MTHFD2L: variants seen among roughly 807,000 people sequenced by gnomAD.
The protein encoded by MTHFD2L is methylenetetrahydrofolate dehydrogenase (NADP+ dependent) 2 like.
MTHFD2L carries 29 observed loss-of-function variants against 34.9 expected under a neutral mutation model. The ratio of observed to expected loss-of-function variants is 0.83; its 90% CI spans 0.62 to 1.13. The LOEUF (loss-of-function observed/expected upper bound fraction) is 1.13. Ranked by LOEUF, MTHFD2L falls within the 50% of genes most tolerant of loss-of-function variation. The probability of loss-of-function intolerance (pLI) is 0.00; values close to 1 mark genes in which losing one functional copy is unlikely to be tolerated. For missense variants in MTHFD2L, 481 were observed against 446.5 expected, an observed-to-expected ratio of 1.08 and a Z score of -0.70; for synonymous variants, 167 against 155.7, an observed-to-expected ratio of 1.07 and a Z score of -0.54.
chr4:74,294,686 C>A (rs1467935013), intron 7 of MTHFD2L, among the ~76,000 whole-genome samples: 3 of 152,046 alleles, frequency 2.0e-5, no homozygotes, highest in Non-Finnish European at 4.4e-5. Flanking sequence ...TCTATCATCA[C>A]CTCAAATTTT....
At chr4:74,128,653 CTTCCAGCT>C (rs1390474941) in intron 1 of MTHFD2L, among the ~76,000 whole-genome samples, 1 of 152,068 alleles carries the variant, frequency 6.6e-6, no homozygotes, top group African/African-American at 2.4e-5. Context: ...TAGTGTGATG[CTTCCAGCT>C]TTGTGTTTTT....
intron 1 of MTHFD2L, among the ~76,000 whole-genome samples, chr4:74,137,381 T>C (rs986040681): frequency 6.6e-6 from 1 of 152,136 alleles, no homozygotes; most frequent in Non-Finnish European, 1.5e-5. Context: ...AACAGTACTA[T>C]ATATCAGAGA....
intron 6 of MTHFD2L, chr4:74,267,279 C>A (rs781025841): frequency 1.1e-6 from 1 of 940,548 alleles, no homozygotes; most frequent in Non-Finnish European, 1.2e-6. Context: ...TTTCTTTTTT[C>A]TATTCTATTC....
upstream of MTHFD2L, among the ~76,000 whole-genome samples, chr4:74,121,002 G>A (rs142389981): frequency 1.8e-3 from 278 of 152,308 alleles, 1 homozygote; most frequent in African/African-American, 6.5e-3. Context: ...TGCATTCAAA[G>A]CCAAAGTGGA....
rs529818029 is a variant in MTHFD2L at position 74,202,225 on chromosome 4, G to T, written c.712+855G>T. ...CCACTAGAGTGTAATTGACATTGTG[G>T]ACTTCCCAAGTAGAAAGCAATTAAG... is the stretch of plus-strand genomic sequence containing the variant. On this transcript the variant is annotated intron_variant, in intron 5 of 7. Coordinates refer to ENST00000325278, the MANE Select transcript of MTHFD2L (RefSeq NM_001144978.3). Among the ~76,000 whole-genome samples, 15 of 152,288 alleles carry T rather than the reference G, an allele frequency of 9.8e-5. No individual in the cohort carries two copies. The South Asian group carries it at 3.1e-3, about 32-fold the overall frequency.
At chr4:74,299,883 G>A (rs528029879) in intron 7 of MTHFD2L, among the ~76,000 whole-genome samples, 4 of 152,134 alleles carry the variant, frequency 2.6e-5, no homozygotes, top group South Asian at 2.1e-4. Flanking sequence ...AATATAGATG[G>A]TGGGGCTTTC....
At chr4:74,204,741 A>G (rs935687329) in intron 5 of MTHFD2L, among the ~76,000 whole-genome samples, 4 of 152,112 alleles carry the variant, frequency 2.6e-5, no homozygotes, top group African/African-American at 9.7e-5. Flanking sequence ...TTTATATGCA[A>G]TTTTAAACTA....
At chr4:74,204,962 T>C (rs1735049847) in intron 5 of MTHFD2L, among the ~76,000 whole-genome samples, 2 of 152,134 alleles carry the variant, frequency 1.3e-5, no homozygotes, top group South Asian at 4.1e-4. Flanking sequence ...AATATTCTCA[T>C]TTGAATGCAT....
upstream of MTHFD2L, among the ~76,000 whole-genome samples, chr4:74,124,179 G>T (rs1389466839): frequency 6.6e-6 from 1 of 151,746 alleles, no homozygotes; most frequent in Non-Finnish European, 1.5e-5. Context: ...AGTTTTGATG[G>T]GCCCTAGACC....
intron 7 of MTHFD2L, among the ~76,000 whole-genome samples, chr4:74,297,944 T>C (rs1439238351): frequency 6.6e-6 from 1 of 152,094 alleles, no homozygotes; most frequent in Non-Finnish European, 1.5e-5. Context: ...TCTTGAGAGA[T>C]CACTTACTTC....
At chr4:74,218,616 C>A (rs529624474) in intron 5 of MTHFD2L, among the ~76,000 whole-genome samples, 1 of 117,804 alleles carries the variant, frequency 8.5e-6, no homozygotes, top group African/African-American at 4.1e-5. Context: ...AATTTCAAGC[C>A]CCCCCCCCAC....
chr4:74,278,086 G>A (rs1488450081), intron 6 of MTHFD2L, among the ~76,000 whole-genome samples: 6 of 152,070 alleles, frequency 3.9e-5, no homozygotes, highest in Non-Finnish European at 8.8e-5. Flanking sequence ...GTTGCTTTAT[G>A]TTGTAGCACA....
chr4:74,175,414 C>T lies in MTHFD2L; in HGVS notation c.451+11C>T. 6.3e-7 allele frequency: 1 copy of T among 1,599,764 alleles called. No individual in the cohort carries two copies. The highest frequency in any genetic ancestry group is 8.5e-7 in the Non-Finnish European group (1 of 1,174,786). On this transcript the variant is annotated intron_variant, in intron 3 of 7. Transcript: ENST00000325278. ...AGTTACCACTACCAGGTACATAATG[C>T]TCCTCTTATTTATCTGATTTTGTTA... is the stretch of plus-strand genomic sequence containing the variant.
intron 6 of MTHFD2L, chr4:74,267,250 T>A: frequency 1.0e-6 from 1 of 984,908 alleles, no homozygotes; most frequent in East Asian, 1.1e-4. Context: ...TGCATTGGTG[T>A]CTGTTTGCAG....
intron 1 of MTHFD2L, chr4:74,125,636 AT>A (rs988215360): frequency 6.6e-6 from 1 of 151,988 alleles, no homozygotes; most frequent in African/African-American, 2.4e-5. Context: ...ACTTTTATTT[AT>A]TTTTTTGCTT....
At chr4:74,271,650 CG>C (rs1315776657) in intron 6 of MTHFD2L, among the ~76,000 whole-genome samples, 3 of 152,094 alleles carry the variant, frequency 2.0e-5, no homozygotes, top group African/African-American at 7.2e-5. Context: ...CTTGGCAGTG[CG>C]GGCTCTTTTT....
chr4:74,203,516 A>G (rs925649055), intron 5 of MTHFD2L, among the ~76,000 whole-genome samples: 1 of 152,200 alleles, frequency 6.6e-6, no homozygotes, highest in Non-Finnish European at 1.5e-5. Flanking sequence ...TACTAGAAGC[A>G]TGGAGGCATC....
At chr4:74,145,822 G>A (rs1206033584) in intron 1 of MTHFD2L, among the ~76,000 whole-genome samples, 1 of 152,082 alleles carries the variant, frequency 6.6e-6, no homozygotes, top group Non-Finnish European at 1.5e-5. Context: ...TTGAAAGTTT[G>A]CAGCACCTTT....
intron 1 of MTHFD2L, chr4:74,164,968 G>A (rs1363299455): frequency 3.9e-5 from 38 of 985,144 alleles, no homozygotes; most frequent in Non-Finnish European, 4.6e-5. Context: ...TAATGACAGG[G>A]CACATCATGT....
Sources: allele counts gnomAD v4.1 joint callset (sites outside exome capture counted in the v4.1 genomes callset), GRCh38; gene constraint gnomAD v4.1.1; transcripts MANE v1.5; gene names NCBI Gene and HGNC (gene_info 2026-07-23, HGNC 2026-07-21).